Variants in CDC42 observed in about 807,000 individuals in gnomAD.
CDC42 encodes cell division control protein 42 homolog.
In CDC42, 1 loss-of-function variant was observed where a neutral mutation model predicts 20.8. The ratio of observed to expected loss-of-function variants is 0.05; its 90% CI spans 0.02 to 0.23. The LOEUF (loss-of-function observed/expected upper bound fraction) is 0.23, where lower values mean the gene tolerates loss of function less well. CDC42 is among the 10% of genes least tolerant of loss of function. CDC42 has a pLI of 1.00. For missense variants in CDC42, 49 were observed against 227.9 expected, an observed-to-expected ratio of 0.21 and a Z score of 5.05; for synonymous variants, 72 against 84.8, an observed-to-expected ratio of 0.85 and a Z score of 0.83.
intron 5 of CDC42, among the ~76,000 whole-genome samples, chr1:22,089,404 CT>C (rs548326255): frequency 2.8e-4 from 42 of 152,316 alleles, no homozygotes; most frequent in African/African-American, 1.0e-3. Context: ...GTGGTGGTTA[CT>C]TGCTCTAATA....
Position 22,098,325 on chromosome 1 carries a change from T to C in CDC42, c.*6808T>C, listed in dbSNP as rs1645770237. ...GTTCGGGTTCCTGGTTGGTGAACAA[T>C]TAGATGGGAAGGCTGAAAAAAAAAA... On this transcript the variant is annotated 3_prime_UTR_variant, in exon 6 of 6. Transcript: ENST00000656825. 1.3e-5 allele frequency among the ~76,000 whole-genome samples: 2 copies of C among 150,006 alleles called. No individual in the cohort carries two copies. The highest frequency in any genetic ancestry group is 4.2e-4 in the South Asian group (2 of 4,804).
chr1:22,082,268 CTT>C (rs988545541), intron 3 of CDC42, among the ~76,000 whole-genome samples: 8 of 152,236 alleles, frequency 5.3e-5, no homozygotes, highest in African/African-American at 9.6e-5. Flanking sequence ...TTATTACTCT[CTT>C]GATATTTGAA....
At chr1:22,078,395 TATAA>T in intron 1 of CDC42, 30 bp from the exon 2 acceptor site, 1 of 1,044,574 alleles carries the variant, frequency 9.6e-7, no homozygotes, top group South Asian at 1.5e-5. Flanking sequence ...CATATGTAAG[TATAA>T]ATAAACAAAT....
At position 22,067,535 on chromosome 1, in the gene CDC42, G is replaced by A. The variant is rs150908579; in HGVS notation, c.-50-10894G>A. 1.6e-3 allele frequency among the ~76,000 whole-genome samples: 251 copies of A among 152,264 alleles called. 1 individual carries two copies. Among genetic ancestry groups the A allele is most frequent in the African/African-American group, 5.8e-3 (240 of 41,560 alleles). The stretch of plus-strand genomic sequence containing the variant: ...AATTTTTGTATTTTTAGTGGAGACA[G>A]GGTTTCACCAAGTTGGCCAGGCTGG... On this transcript the variant is annotated intron_variant, in intron 1 of 5. Transcript: ENST00000656825.
chr1:22,086,806 T>C lies in CDC42; in HGVS notation c.426T>C (p.Ala142=), dbSNP rs757590720. The stretch of plus-strand genomic sequence containing the variant: ...AGAAGCCTATCACTCCAGAGACTGC[T>C]GAAAAGCTGGCCCGTGACCTGAAGG... ...NKQKPITPET[A]EKLARDLKAV... Residue 142 remains alanine, a synonymous_variant, in exon 5 of 6, where the codon GCT becomes GCC. Coordinates refer to ENST00000656825, the MANE Select transcript of CDC42 (RefSeq NM_001791.4). 6.2e-7 allele frequency: 1 copy of C among 1,614,094 alleles called. No individual in the cohort carries two copies. The highest frequency in any genetic ancestry group is 8.5e-7 in the Non-Finnish European group (1 of 1,179,972).
intron 1 of CDC42, among the ~76,000 whole-genome samples, chr1:22,061,116 T>A (rs1409711262): frequency 6.6e-6 from 1 of 152,166 alleles, no homozygotes; most frequent in Non-Finnish European, 1.5e-5. Context: ...TCAGATAAAT[T>A]AGAAACCCAG....
Position 22,054,909 on chromosome 1 carries a change from ATATATATATATATTTTTTTTTTTTTTT to A in CDC42, c.-51+2169_-51+2195del, listed in dbSNP as rs1645281322. ...AATTTATGTATATATATATATATAT[ATATATATATATATTTTTTTTTTTTTTT>A]TTTTTTTTTTTTTTTTTTTTTTTTT... On this transcript the variant is annotated intron_variant, in intron 1 of 5. Transcript: ENST00000656825. 1.2e-3 allele frequency among the ~76,000 whole-genome samples: 15 copies of A among 12,746 alleles called. 1 individual carries two copies. Among genetic ancestry groups the A allele is most frequent in the South Asian group, 5.1e-3 (1 of 196 alleles). 8.4% of individuals were successfully genotyped at this position (12,746 alleles called of 152,430 possible).
intron 3 of CDC42, among the ~76,000 whole-genome samples, chr1:22,084,750 A>G (rs1266876123): frequency 6.6e-6 from 1 of 152,028 alleles, no homozygotes; most frequent in East Asian, 1.9e-4. Flanking sequence ...CTTTTGCCCT[A>G]TGTTTTCTGG....
rs1645741155 is a variant in CDC42, at chr1:22,094,294, A to ATATTTTTTTTTTTTT, written c.*2778_*2779insATTTTTTTTTTTTTT. On this transcript the variant is annotated 3_prime_UTR_variant, in exon 6 of 6. Coordinates refer to ENST00000656825, the MANE Select transcript of CDC42 (RefSeq NM_001791.4). ...GTTTTACTGAACATCCTAGAAATAG[A>ATATTTTTTTTTTTTT]TTTTTTTTTTTTTTTTTTTTTGAGA... Among the ~76,000 whole-genome samples, 1 of 38,302 alleles carries ATATTTTTTTTTTTTT rather than the reference A, an allele frequency of 2.6e-5. No individual in the cohort carries two copies. The highest frequency in any genetic ancestry group is 4.2e-5 in the Non-Finnish European group (1 of 23,610). 25.1% of individuals were successfully genotyped at this position (38,302 alleles called of 152,430 possible).
chr1:22,089,865 C>T (rs780578572), intron 5 of CDC42: 161 of 1,384,862 alleles, frequency 1.2e-4, no homozygotes, highest in Middle Eastern at 1.8e-4. Flanking sequence ...TCATTTAATC[C>T]GGACTGCTGT....
Position 22,078,418 on chromosome 1 carries a change from T to C in CDC42, c.-50-11T>C. On this transcript the variant is annotated splice_polypyrimidine_tract_variant and intron_variant, in intron 1 of 5. Coordinates refer to ENST00000656825, the MANE Select transcript of CDC42 (RefSeq NM_001791.4). Reference sequence around the variant, plus strand: ...AGTATAAATAAACAAATGTCTTTAATCTTTTTGCAGGTCATCATCAGATTT... The same window carrying C: ...AGTATAAATAAACAAATGTCTTTAACCTTTTTGCAGGTCATCATCAGATTT... 1.6e-6 allele frequency: 2 copies of C among 1,265,766 alleles called. No individual in the cohort carries two copies. Among genetic ancestry groups the C allele is most frequent in the East Asian group, 4.7e-5 (2 of 42,566 alleles). 78.4% of individuals were successfully genotyped at this position (1,265,766 alleles called of 1,614,324 possible). A position where few individuals can be genotyped will look rare whatever the true frequency, so the allele number is the denominator to read the frequency against.
In CDC42 at chr1:22,078,211, A is replaced by G. The variant is rs16826461; in HGVS notation, c.-50-218A>G. 4.6e-5 allele frequency among the ~76,000 whole-genome samples: 7 copies of G among 152,302 alleles called. No homozygotes were observed. In the East Asian group the frequency reaches 1.3e-3, roughly 29 times the overall value. On this transcript the variant is annotated intron_variant, in intron 1 of 5. Coordinates refer to ENST00000656825, the MANE Select transcript of CDC42 (RefSeq NM_001791.4). ...CCACTTTGGACCTTTTAAAAATAACACTTAAGAAGTTGGAATAGCCAGGGA... is the reference window on the plus strand; with the variant it reads ...CCACTTTGGACCTTTTAAAAATAACGCTTAAGAAGTTGGAATAGCCAGGGA...
intron 1 of CDC42, chr1:22,059,342 G>T (rs1234969721): frequency 6.6e-6 from 1 of 152,030 alleles, no homozygotes; most frequent in Non-Finnish European, 1.5e-5. Context: ...AACTAATTGT[G>T]GTGACGAGGA....
At chr1:22,079,570 A>G (rs1645587710) in intron 2 of CDC42, among the ~76,000 whole-genome samples, 1 of 152,220 alleles carries the variant, frequency 6.6e-6, no homozygotes, top group South Asian at 2.1e-4. Context: ...CCTGTCTCAA[A>G]AATAAGGAAA....
intron 5 of CDC42, among the ~76,000 whole-genome samples, chr1:22,089,621 G>GTGTCCT (rs1198687052): frequency 6.6e-6 from 1 of 152,176 alleles, no homozygotes; most frequent in Non-Finnish European, 1.5e-5. Context: ...TCTGCTATTT[G>GTGTCCT]TGTCCTTCAG....
intron 1 of CDC42, among the ~76,000 whole-genome samples, chr1:22,057,534 G>A (rs977820663): frequency 1.3e-5 from 2 of 151,850 alleles, no homozygotes; most frequent in African/African-American, 4.8e-5. Flanking sequence ...GCAGGCATGC[G>A]TCAGCGCCCC....
rs1235147789 is a variant in CDC42, at chr1:22,094,747, A to G, written c.*3230A>G. On this transcript the variant is annotated 3_prime_UTR_variant, in exon 6 of 6. Coordinates refer to ENST00000656825, the MANE Select transcript of CDC42 (RefSeq NM_001791.4). ...TGAGGTGTATTTTTCTCACATTTTC[A>G]TATTGTAATTAGGATACCTGTTAAC... Among the ~76,000 whole-genome samples the G allele has an allele frequency of 7.2e-5, 11 of 152,320 alleles. No individual in the cohort carries two copies. The East Asian group carries it at 1.9e-3, about 27-fold the overall frequency.
chr1:22,098,150 G>A lies in CDC42; in HGVS notation c.*6633G>A, dbSNP rs1468866690. Among the ~76,000 whole-genome samples, 1 of 152,134 alleles carries A rather than the reference G, an allele frequency of 6.6e-6. No individual in the cohort carries two copies. Among genetic ancestry groups the A allele is most frequent in the Non-Finnish European group, 1.5e-5 (1 of 68,026 alleles). On this transcript the variant is annotated 3_prime_UTR_variant, in exon 6 of 6. Transcript: ENST00000656825. ...TCTCAATCTTTAGGGGTAGAGACTA[G>A]GAGCCTACATTTTGAACAAGCATCT...
rs16826564 is a variant in CDC42 at position 22,091,487 on chromosome 1, G to A, written c.546G>A (p.Pro182=). Residue 182 remains proline, a synonymous_variant, in exon 6 of 6, where the codon CCG becomes CCA. Coordinates refer to ENST00000656825, the MANE Select transcript of CDC42 (RefSeq NM_001791.4). ...AILAALEPPE[P]KKSRRCVLL ...TGGCTGCCCTGGAGCCTCCAGAACC[G>A]AAGAAGAGCCGCAGGTGTGTGCTGC... The A allele has an allele frequency of 6.6e-5, 106 of 1,613,224 alleles. No homozygotes were observed. Among genetic ancestry groups the A allele is most frequent in the South Asian group, 9.9e-5 (9 of 91,030 alleles).
Sources: gnomAD v4.1 joint callset for allele counts (sites outside exome capture counted in the v4.1 genomes callset) on GRCh38, gnomAD v4.1.1 for gene constraint, MANE v1.5 for transcripts, NCBI Gene and HGNC (gene_info 2026-07-23, HGNC 2026-07-21) for gene names.